Variants in PGCKA1 observed in about 807,000 individuals in gnomAD.
PGCKA1 encodes PDCD10 and GCKIII kinases-associated protein 1.
At chr4:37,532,434 G>A in the PGCKA1 span, among the ~76,000 whole-genome samples, 1 of 152,176 alleles carries the variant, frequency 6.6e-6, no homozygotes, top group African/African-American at 2.4e-5. Flanking sequence ...GAAACTATAG[G>A]TTAACTATGG....
chr4:37,590,973 A>C, the PGCKA1 span: 2 of 1,612,980 alleles, frequency 1.2e-6, no homozygotes, highest in Non-Finnish European at 1.7e-6. Flanking sequence ...CTGCTACTGC[A>C]GGAGAAGATT....
the PGCKA1 span, among the ~76,000 whole-genome samples, chr4:37,458,964 C>G: frequency 1.3e-5 from 2 of 152,180 alleles, no homozygotes; most frequent in Admixed American, 1.3e-4. Flanking sequence ...AACTGAGAAC[C>G]AGACATGTTA....
At chr4:37,533,950 A>G in the PGCKA1 span, among the ~76,000 whole-genome samples, 1 of 152,196 alleles carries the variant, frequency 6.6e-6, no homozygotes, top group Non-Finnish European at 1.5e-5. Flanking sequence ...TTATTTTCTT[A>G]GGATGTCCAT....
chr4:37,503,518 A>C, the PGCKA1 span, among the ~76,000 whole-genome samples: 1 of 152,170 alleles, frequency 6.6e-6, no homozygotes, highest in Non-Finnish European at 1.5e-5. Context: ...ACCTATTTTT[A>C]GTTTGTTGGG....
At chr4:37,477,222 A>G in the PGCKA1 span, among the ~76,000 whole-genome samples, 1 of 152,228 alleles carries the variant, frequency 6.6e-6, no homozygotes, top group African/African-American at 2.4e-5. Flanking sequence ...GTAAAAAGGA[A>G]CAGAGTACTG....
At chr4:37,466,598 G>A in the PGCKA1 span, among the ~76,000 whole-genome samples, 1 of 152,184 alleles carries the variant, frequency 6.6e-6, no homozygotes, top group African/African-American at 2.4e-5. Flanking sequence ...AGAAGATGTT[G>A]ATTCTCCTCT....
chr4:37,586,134 C>G, the PGCKA1 span, among the ~76,000 whole-genome samples: 1 of 151,908 alleles, frequency 6.6e-6, no homozygotes, highest in Non-Finnish European at 1.5e-5. Context: ...TGACCCCCAG[C>G]AACACTATAT....
the PGCKA1 span, among the ~76,000 whole-genome samples, chr4:37,570,490 C>G: frequency 7.0e-6 from 1 of 142,148 alleles, no homozygotes; most frequent in South Asian, 2.4e-4. Context: ...CCTTTTTCAA[C>G]TATAGATTCA....
the PGCKA1 span, among the ~76,000 whole-genome samples, chr4:37,477,888 C>T: frequency 6.6e-6 from 1 of 152,106 alleles, no homozygotes; most frequent in Non-Finnish European, 1.5e-5. Context: ...AAATTAAAGA[C>T]ATAAATTATC....
chr4:37,516,227 G>A, the PGCKA1 span, among the ~76,000 whole-genome samples: 1 of 152,166 alleles, frequency 6.6e-6, no homozygotes, highest in Admixed American at 6.5e-5. Flanking sequence ...TGGGTCCTGG[G>A]GACCAATAGT....
At chr4:37,581,155 A>C in the PGCKA1 span, among the ~76,000 whole-genome samples, 1 of 152,208 alleles carries the variant, frequency 6.6e-6, no homozygotes, top group East Asian at 1.9e-4. The surrounding 1 kb of genome is among the most constrained non-coding windows in gnomAD (Gnocchi z 4.4). Flanking sequence ...CCTGTGGTCA[A>C]GTGCAAATCC....
the PGCKA1 span, among the ~76,000 whole-genome samples, chr4:37,589,689 G>A: frequency 2.2e-4 from 34 of 152,026 alleles, no homozygotes; most frequent in Non-Finnish European, 4.6e-4. Context: ...TGGAGTGCAG[G>A]GGCGTGATCT....
chr4:37,581,004 T>C, the PGCKA1 span, among the ~76,000 whole-genome samples: 17,586 of 152,060 alleles, frequency 0.12, 2,752 homozygotes, highest in African/African-American at 0.35. This position sits in a 1 kb window ranked among gnomAD's most constrained non-coding sequence, Gnocchi z 4.4. Flanking sequence ...AGGATCCTCT[T>C]CCTATCACCA....
chr4:37,550,013 T>A, the PGCKA1 span, among the ~76,000 whole-genome samples: 1 of 152,220 alleles, frequency 6.6e-6, no homozygotes, highest in Non-Finnish European at 1.5e-5. Flanking sequence ...ATCAAGTCAC[T>A]GAGGTAGGAC....
chr4:37,454,266 G>A, the PGCKA1 span, among the ~76,000 whole-genome samples: 2 of 152,106 alleles, frequency 1.3e-5, no homozygotes, highest in African/African-American at 4.8e-5. Context: ...GGCAAAACTC[G>A]GGTGGGGGGA....
the PGCKA1 span, among the ~76,000 whole-genome samples, chr4:37,479,685 A>C: frequency 6.6e-6 from 1 of 152,242 alleles, no homozygotes; most frequent in Admixed American, 6.5e-5. Flanking sequence ...GGTTGATTAC[A>C]AGAAGACCTA....
At chr4:37,457,782 C>T in the PGCKA1 span, among the ~76,000 whole-genome samples, 1 of 152,202 alleles carries the variant, frequency 6.6e-6, no homozygotes. Context: ...GAGTCACATA[C>T]TTAAGATTCC....
the PGCKA1 span, among the ~76,000 whole-genome samples, chr4:37,529,121 C>CA: frequency 6.6e-6 from 1 of 151,804 alleles, no homozygotes; most frequent in East Asian, 1.9e-4. Flanking sequence ...AGCATGATGA[C>CA]ACAGCAGCTA....
chr4:37,546,372 G>T, the PGCKA1 span, among the ~76,000 whole-genome samples: 1 of 152,156 alleles, frequency 6.6e-6, no homozygotes, highest in Non-Finnish European at 1.5e-5. Flanking sequence ...AGAACCCAAT[G>T]TTACCCATAG....
Sources: allele counts gnomAD v4.1 joint callset (sites outside exome capture counted in the v4.1 genomes callset), GRCh38; gene constraint gnomAD v4.1.1; non-coding constraint Gnocchi (gnomAD v3.1); transcripts MANE v1.5; gene names NCBI Gene and HGNC (gene_info 2026-07-23, HGNC 2026-07-21).